RYR3: variants seen among roughly 807,000 people sequenced by gnomAD.
The protein encoded by RYR3 is ryanodine receptor 3.
Under a neutral mutation model 584.3 loss-of-function variants are expected in RYR3, and 207 were observed. The ratio of observed to expected loss-of-function variants is 0.35; its 90% confidence interval spans 0.32 to 0.40. RYR3 has a LOEUF of 0.40. Ranked by LOEUF, RYR3 falls within the 10% of genes least tolerant of loss-of-function variation. The probability of loss-of-function intolerance (pLI) is 1.00; values close to 1 mark genes in which losing one functional copy is unlikely to be tolerated. For synonymous variants in RYR3, 2,416 were observed against 2,248.5 expected (o/e 1.07, Z -2.11); for missense variants, 5,616 against 6,089.2 (o/e 0.92, Z 2.59).
chr15:33,409,640 T>C (rs927096216), intron 1 of RYR3, among the ~76,000 whole-genome samples: 10 of 152,330 alleles, frequency 6.6e-5, no homozygotes, highest in Admixed American at 5.9e-4. Context: ...ATTTTGTCGT[T>C]TTAAAATTTT....
At position 33,853,535 on chromosome 15, in the gene RYR3, C is replaced by T. The variant is rs1427181145; in HGVS notation, c.13672-20C>T. 4 of 1,611,352 alleles carry T rather than the reference C, an allele frequency of 2.5e-6. No individual in the cohort carries two copies. The highest frequency in any genetic ancestry group is 1.7e-5 in the Admixed American group (1 of 59,898). On this transcript the variant is annotated intron_variant, in intron 95 of 103. Transcript: ENST00000634891. ...GTGGTGGCGTGTGGCCTGAGCTCAC[C>T]CTGTCATCCTTTGCTTCAGGTGATC...
rs368790600 is a variant in RYR3 at position 33,646,337 on chromosome 15, C to T, written c.3766-14C>T. ...CCTTTGGTATGTCAAGGTAAGGACTCGTCCTGTTTCCAGGTCATGAGGATT... is the reference window on the plus strand; with the variant it reads ...CCTTTGGTATGTCAAGGTAAGGACTTGTCCTGTTTCCAGGTCATGAGGATT... On this transcript the variant is annotated splice_polypyrimidine_tract_variant and intron_variant, in intron 28 of 103. Coordinates refer to ENST00000634891, the MANE Select transcript of RYR3 (RefSeq NM_001036.6). 2.5e-5 allele frequency: 40 copies of T among 1,586,752 alleles called. No individual in the cohort carries two copies. In the Admixed American group the frequency reaches 2.7e-4, roughly 11 times the overall value.
At chr15:33,767,390 G>C (rs1369754346) in intron 60 of RYR3, among the ~76,000 whole-genome samples, 1 of 152,186 alleles carries the variant, frequency 6.6e-6, no homozygotes, top group East Asian at 1.9e-4. Flanking sequence ...CCACGTTTCT[G>C]GTAACTTATT....
chr15:33,662,074 T>G, intron 34 of RYR3, 79 bp from the exon 35 acceptor site: 7 of 1,245,692 alleles, frequency 5.6e-6, no homozygotes, highest in African/African-American at 1.5e-5. Flanking sequence ...CACCCTGCCT[T>G]TGTTGGGCTG....
intron 70 of RYR3, among the ~76,000 whole-genome samples, chr15:33,809,924 A>C (rs145832492): frequency 2.0e-5 from 3 of 152,072 alleles, no homozygotes; most frequent in Non-Finnish European, 4.4e-5. Flanking sequence ...TCATGTCTTC[A>C]GTTTTTCTCC....
At chr15:33,588,750 A>C (rs937752199) in intron 16 of RYR3, among the ~76,000 whole-genome samples, 8 of 152,216 alleles carry the variant, frequency 5.3e-5, no homozygotes, top group African/African-American at 1.9e-4. Context: ...TATAGCTTCC[A>C]GTTCCATCTA....
At position 33,644,502 on chromosome 15, in the gene RYR3, G is replaced by C. The variant is rs1168472424; in HGVS notation, c.3748G>C (p.Asp1250His). The C allele has an allele frequency of 6.2e-7, 1 of 1,613,482 alleles. No individual in the cohort carries two copies. Among genetic ancestry groups the C allele is most frequent in the Non-Finnish European group, 8.5e-7 (1 of 1,179,584 alleles). The change falls in exon 28 of 104, where the codon GAT becomes CAT. Residue 1250 changes from aspartate (D) to histidine (H), a missense_variant. Physicochemically the swap from Asp to His is moderately conservative, Grantham distance 81. Around this residue, in one of 9 missense-constraint regions of RYR3, gnomAD observed 753 missense variants for 741.0 expected, o/e 1.02. Coordinates refer to ENST00000634891, the MANE Select transcript of RYR3 (RefSeq NM_001036.6). Reference protein sequence around the residue: ...RLPTFVNVPKDHPHIEVMRID... With the variant: ...RLPTFVNVPKHHPHIEVMRID... ...CCCGACGTTTGTCAACGTGCCAAAG[G>C]ATCATCCACACATAGAGGTAATGTT...
At chr15:33,548,262 G>T (rs186684177) in intron 9 of RYR3, 58 bp downstream of exon 9, 2 of 1,049,274 alleles carry the variant, frequency 1.9e-6, no homozygotes, top group Non-Finnish European at 2.8e-6. Flanking sequence ...AGTACAGGCC[G>T]TTCTCTTAAA....
At chr15:33,755,690 G>A (rs1038379489) in intron 58 of RYR3, among the ~76,000 whole-genome samples, 6 of 152,076 alleles carry the variant, frequency 3.9e-5, no homozygotes, top group Non-Finnish European at 7.4e-5. Context: ...TCATTTTTTC[G>A]CACAACTTAT....
At chr15:33,830,557 A>G (rs997730853) in intron 85 of RYR3, among the ~76,000 whole-genome samples, 1 of 152,202 alleles carries the variant, frequency 6.6e-6, no homozygotes, top group African/African-American at 2.4e-5. Flanking sequence ...TCTGTAATCA[A>G]ACTCGGATTA....
chr15:33,786,421 T>C (rs2152909569), intron 66 of RYR3, among the ~76,000 whole-genome samples: 2 of 152,270 alleles, frequency 1.3e-5, no homozygotes, highest in Non-Finnish European at 2.9e-5. Flanking sequence ...GCATTTGTAT[T>C]TCACTCTGTG....
At chr15:33,427,642 A>G (rs559737304) in intron 1 of RYR3, among the ~76,000 whole-genome samples, 1 of 152,350 alleles carries the variant, frequency 6.6e-6, no homozygotes, top group African/African-American at 2.4e-5. Flanking sequence ...CATCACTGGA[A>G]GTTTATTCAT....
chr15:33,628,680 A>G, intron 21 of RYR3, 105 bp downstream of exon 21: 1 of 708,168 alleles, frequency 1.4e-6, no homozygotes, highest in Non-Finnish European at 2.5e-6. Context: ...ACTAGTTAGG[A>G]ACACTGAGGA....
chr15:33,690,161 CAA>C (rs1479021193), intron 38 of RYR3, among the ~76,000 whole-genome samples: 1 of 152,168 alleles, frequency 6.6e-6, no homozygotes, highest in African/African-American at 2.4e-5. Context: ...ATGTTGGGGA[CAA>C]AGAGTTAAGT....
At chr15:33,410,321 G>GC (rs1337173653) in intron 1 of RYR3, among the ~76,000 whole-genome samples, 4 of 152,166 alleles carry the variant, frequency 2.6e-5, no homozygotes, top group African/African-American at 9.7e-5. Context: ...GGTTTGGCAG[G>GC]CCCAAGGCTC....
chr15:33,470,354 T>G (rs540977639), intron 1 of RYR3, among the ~76,000 whole-genome samples: 3 of 152,290 alleles, frequency 2.0e-5, no homozygotes, highest in African/African-American at 7.2e-5. Context: ...AAGGAAAATT[T>G]TGTGGTCTTG....
chr15:33,544,735 A>C (rs76159922), intron 8 of RYR3, among the ~76,000 whole-genome samples: 1 of 152,116 alleles, frequency 6.6e-6, no homozygotes, highest in African/African-American at 2.4e-5. Flanking sequence ...CCTACTTGCT[A>C]TCTACTCTGA....
chr15:33,859,987 TACTCCTC>T (rs2080158516), intron 100 of RYR3, among the ~76,000 whole-genome samples: 1 of 152,150 alleles, frequency 6.6e-6, no homozygotes, highest in South Asian at 2.1e-4. Context: ...CTGAATTATT[TACTCCTC>T]ACTTCTGCTT....
At chr15:33,657,933 G>A (rs2062916725) in intron 32 of RYR3, among the ~76,000 whole-genome samples, 1 of 152,222 alleles carries the variant, frequency 6.6e-6, no homozygotes, top group South Asian at 2.1e-4. Flanking sequence ...ATAAAAATGT[G>A]TGGTTTTGTA....
Sources: allele counts gnomAD v4.1 joint callset (sites outside exome capture counted in the v4.1 genomes callset), GRCh38; gene constraint gnomAD v4.1.1; regional missense constraint gnomAD v4.1.1; transcripts MANE v1.5; gene names NCBI Gene and HGNC (gene_info 2026-07-23, HGNC 2026-07-21).